PTPRD: variants seen among roughly 807,000 people sequenced by gnomAD.
PTPRD encodes receptor-type tyrosine-protein phosphatase delta.
A neutral mutation model predicts 214.5 loss-of-function variants in PTPRD; 34 were observed. The observed-to-expected ratio is 0.16, with a 90% confidence interval of 0.12 to 0.21. The LOEUF is 0.21. Ranked by LOEUF, PTPRD falls within the 10% of genes least tolerant of loss-of-function variation. The pLI is 1.00. For missense variants in PTPRD, 2,545 were observed against 2,398.7 expected, an observed-to-expected ratio of 1.06 and a Z score of -1.27; for synonymous variants, 1,128 against 845.7, an observed-to-expected ratio of 1.33 and a Z score of -5.79.
At chr9:8,421,466 CG>C (rs1164994146) in intron 35 of PTPRD, among the ~76,000 whole-genome samples, 1 of 151,866 alleles carries the variant, frequency 6.6e-6, no homozygotes, top group Non-Finnish European at 1.5e-5. Flanking sequence ...TCCTGATAAA[CG>C]AGACACCATG....
intron 8 of PTPRD, among the ~76,000 whole-genome samples, chr9:9,477,719 G>T (rs1013295500): frequency 2.0e-5 from 3 of 152,166 alleles, no homozygotes; most frequent in Admixed American, 6.5e-5. Context: ...AATTGGTTTG[G>T]TCACTTATTA....
At chr9:8,535,237 A>G (rs2076644169) in intron 14 of PTPRD, among the ~76,000 whole-genome samples, 1 of 151,962 alleles carries the variant, frequency 6.6e-6, no homozygotes, top group Non-Finnish European at 1.5e-5. Context: ...GATCAGAGGC[A>G]TGTGACTCTA....
chr9:8,832,102 ATATG>A (rs753500855), intron 11 of PTPRD, among the ~76,000 whole-genome samples: 16 of 108,498 alleles, frequency 1.5e-4, no homozygotes, highest in Middle Eastern at 4.7e-3. Flanking sequence ...ATGTATGTGT[ATATG>A]TGTGTGTGTG....
chr9:8,499,676 G>C lies in PTPRD; in HGVS notation c.2293C>G (p.Leu765Val), dbSNP rs1169363593. The C allele has an allele frequency of 1.2e-6, 2 of 1,613,536 alleles. No individual in the cohort carries two copies. The highest frequency in any genetic ancestry group is 1.7e-6 in the Non-Finnish European group (2 of 1,179,808). ...ENGEPKGQPM[L>V]KDVMLADAQW... ...GCATCAGCCAGCATGACATCTTTCA[G>C]CATGGGCTGGCCCTTGGGCTCACCA... The change falls in exon 25 of 46, where the codon CTG becomes GTG. Residue 765 changes from leucine (L) to valine (V), a missense_variant. By Grantham distance (32) the Leu-to-Val change is conservative (BLOSUM62 1). Coordinates refer to ENST00000381196, the MANE Select transcript of PTPRD (RefSeq NM_002839.4).
intron 10 of PTPRD, among the ~76,000 whole-genome samples, chr9:9,112,878 A>G (rs1454482217): frequency 2.6e-5 from 4 of 151,942 alleles, no homozygotes; most frequent in Non-Finnish European, 4.4e-5. Flanking sequence ...TTTCGATTAC[A>G]AACCTTTGAT....
intron 34 of PTPRD, among the ~76,000 whole-genome samples, chr9:8,448,142 C>T (rs985219275): frequency 5.3e-5 from 8 of 151,936 alleles, no homozygotes; most frequent in Admixed American, 2.0e-4. Flanking sequence ...TTGTGCAACA[C>T]GGCCAAACTC....
chr9:8,795,827 A>C (rs142747243), intron 11 of PTPRD, among the ~76,000 whole-genome samples: 92 of 152,312 alleles, frequency 6.0e-4, no homozygotes, highest in African/African-American at 2.1e-3. Flanking sequence ...TAAGATCTAG[A>C]GGAGAAGATT....
At chr9:9,153,055 T>C (rs1309038847) in intron 10 of PTPRD, among the ~76,000 whole-genome samples, 1 of 152,188 alleles carries the variant, frequency 6.6e-6, no homozygotes, top group African/African-American at 2.4e-5. Context: ...ATGCTTCTCT[T>C]GCAATTCTCA....
At chr9:10,337,092 CAAAA>C (rs111684867) in intron 3 of PTPRD, among the ~76,000 whole-genome samples, 3 of 151,742 alleles carry the variant, frequency 2.0e-5, no homozygotes, top group Non-Finnish European at 3.0e-5. Context: ...AAAAAACAAA[CAAAA>C]AAGACAACAA....
At chr9:9,969,784 T>G (rs1427165664) in intron 4 of PTPRD, among the ~76,000 whole-genome samples, 1 of 152,208 alleles carries the variant, frequency 6.6e-6, no homozygotes, top group Non-Finnish European at 1.5e-5. Context: ...AACTTTGCAA[T>G]AGCAAAAGAT....
chr9:10,161,999 TTTTACCC>T (rs2099129969), intron 3 of PTPRD, among the ~76,000 whole-genome samples: 1 of 151,560 alleles, frequency 6.6e-6, no homozygotes. Context: ...CAATGAAATG[TTTTACCC>T]TAGTTAAAAT....
intron 2 of PTPRD, among the ~76,000 whole-genome samples, chr9:10,440,019 T>C (rs990408825): frequency 6.6e-6 from 1 of 151,160 alleles, no homozygotes; most frequent in Non-Finnish European, 1.5e-5. Flanking sequence ...ATAACAATAA[T>C]AAAAATATAT....
intron 4 of PTPRD, among the ~76,000 whole-genome samples, chr9:9,953,572 C>G (rs1189257610): frequency 2.0e-5 from 3 of 151,938 alleles, no homozygotes; most frequent in African/African-American, 4.8e-5. Flanking sequence ...AATTCTAACA[C>G]AATGATAAGC....
intron 12 of PTPRD, among the ~76,000 whole-genome samples, chr9:8,704,215 C>T (rs1228653132): frequency 6.6e-6 from 1 of 152,080 alleles, no homozygotes; most frequent in South Asian, 2.1e-4. Flanking sequence ...GAGCCAGCAA[C>T]GTTGTGCAGG....
chr9:8,410,520 T>A (rs1162229104), intron 35 of PTPRD, among the ~76,000 whole-genome samples: 1 of 152,194 alleles, frequency 6.6e-6, no homozygotes, highest in African/African-American at 2.4e-5. Context: ...TAAGAGCACC[T>A]CTGATCCAGG....
At chr9:8,847,504 A>G (rs2097722329) in intron 11 of PTPRD, among the ~76,000 whole-genome samples, 2 of 152,210 alleles carry the variant, frequency 1.3e-5, no homozygotes, top group African/African-American at 4.8e-5. Context: ...AAACCTGGGC[A>G]AAGAAGACTT....
chr9:9,390,165 C>G (rs562320618), intron 9 of PTPRD, among the ~76,000 whole-genome samples: 4 of 152,096 alleles, frequency 2.6e-5, no homozygotes, highest in African/African-American at 9.6e-5. Flanking sequence ...CCTGGGACAG[C>G]GGGGAAGCCG....
chr9:9,615,180 T>A (rs957349979), intron 7 of PTPRD, among the ~76,000 whole-genome samples: 1 of 152,180 alleles, frequency 6.6e-6, no homozygotes, highest in Non-Finnish European at 1.5e-5. Flanking sequence ...GGGCAAGCCC[T>A]GCCTAGCTGG....
chr9:9,069,293 G>A (rs1282927083), intron 10 of PTPRD, among the ~76,000 whole-genome samples: 2 of 152,086 alleles, frequency 1.3e-5, no homozygotes, highest in Non-Finnish European at 2.9e-5. Flanking sequence ...TATTAAAAGA[G>A]CAGTAAATAC....
Sources: allele counts gnomAD v4.1 joint callset (sites outside exome capture counted in the v4.1 genomes callset), GRCh38; gene constraint gnomAD v4.1.1; transcripts MANE v1.5; gene names NCBI Gene and HGNC (gene_info 2026-07-23, HGNC 2026-07-21).